The following CAPN2 variants were observed in gnomAD, a reference collection of about 807,000 sequenced individuals.
CAPN2 encodes the protein calpain-2 catalytic subunit.
CAPN2 carries 92 observed loss-of-function variants against 102.3 expected under a neutral mutation model. That is an observed-to-expected ratio of 0.90 (90% CI 0.76 to 1.07). CAPN2 has a LOEUF of 1.07. Among genes scored for constraint, CAPN2 ranks in the 50% least tolerant of loss-of-function variants. The pLI, the probability that CAPN2 is intolerant of heterozygous loss-of-function variation, is 0.00. For missense variants in CAPN2, 800 were observed against 909.4 expected, an observed-to-expected ratio of 0.88 and a Z score of 1.55; for synonymous variants, 340 against 355.4, an observed-to-expected ratio of 0.96 and a Z score of 0.49.
chr1:223,742,386 G>A (rs935285732), intron 2 of CAPN2, among the ~76,000 whole-genome samples: 2 of 150,972 alleles, frequency 1.3e-5, no homozygotes, highest in Admixed American at 6.6e-5. Context: ...GAGCGAGACT[G>A]TCTCAAAAAA....
At chr1:223,710,868 A>G (rs947114976), upstream of CAPN2, among the ~76,000 whole-genome samples, 6 of 144,550 alleles carry the variant, frequency 4.2e-5, no homozygotes, top group Admixed American at 2.1e-4. Flanking sequence ...AACCAAACCA[A>G]TGTATTTCTT....
chr1:223,707,975 G>A (rs1659647484), upstream of CAPN2, among the ~76,000 whole-genome samples: 1 of 152,234 alleles, frequency 6.6e-6, no homozygotes, highest in Admixed American at 6.5e-5. Context: ...TTTCTCCCAA[G>A]AGCCTCGAGC....
intron 1 of CAPN2, among the ~76,000 whole-genome samples, chr1:223,715,172 T>A (rs1434150185): frequency 6.6e-6 from 1 of 152,206 alleles, no homozygotes; most frequent in African/African-American, 2.4e-5. Context: ...TTGTTTCCGC[T>A]GGATTTGAAC....
At chr1:223,745,086 G>C (rs1025265848) in intron 3 of CAPN2, among the ~76,000 whole-genome samples, 4 of 151,930 alleles carry the variant, frequency 2.6e-5, no homozygotes, top group African/African-American at 9.6e-5. Context: ...GAATGCTAAA[G>C]AGGCGGGTGT....
chr1:223,729,209 A>G (rs1660270593), intron 2 of CAPN2, among the ~76,000 whole-genome samples: 1 of 152,198 alleles, frequency 6.6e-6, no homozygotes, highest in Non-Finnish European at 1.5e-5. Context: ...TTTAGTAGAA[A>G]CTGTACTTGA....
intron 6 of CAPN2, among the ~76,000 whole-genome samples, chr1:223,749,879 A>G (rs1370217825): frequency 6.6e-6 from 1 of 152,100 alleles, no homozygotes; most frequent in East Asian, 1.9e-4. Context: ...GCATGGTGGC[A>G]TGCCACTGTC....
chr1:223,760,393 G>GC lies in CAPN2; in HGVS notation c.1529+916dup, dbSNP rs139457207. ...GAGGTAGAGGCAGGGAACTGCCCTT[G>GC]CCCCAAGATAATGCATGATGCAGAA... On this transcript the variant is annotated intron_variant, in intron 12 of 20. Transcript: ENST00000295006. Among the ~76,000 whole-genome samples the GC allele has an allele frequency of 8.8e-3, 1,334 of 152,314 alleles. 27 individuals are homozygous for GC. Among genetic ancestry groups the GC allele is most frequent in the African/African-American group, 0.03 (1,243 of 41,558 alleles).
At chr1:223,772,135 G>C (rs774253124) in intron 19 of CAPN2, 46 bp from the exon 20 acceptor site, 2 of 1,561,700 alleles carry the variant, frequency 1.3e-6, no homozygotes, top group East Asian at 2.2e-5. Context: ...AATGTGATCT[G>C]TTTCAGCTCA....
chr1:223,703,164 T>C (rs1389163235), intron 1 of CAPN2, among the ~76,000 whole-genome samples: 1 of 152,140 alleles, frequency 6.6e-6, no homozygotes, highest in East Asian at 1.9e-4. Context: ...AAATGCCAAC[T>C]CCACTACCCA....
chr1:223,743,322 T>C (rs1660671293), intron 2 of CAPN2, among the ~76,000 whole-genome samples: 1 of 152,156 alleles, frequency 6.6e-6, no homozygotes, highest in Non-Finnish European at 1.5e-5. Context: ...TGCCTCTGAC[T>C]CAGGGCTTTT....
At chr1:223,736,861 A>T (rs1040365889) in intron 2 of CAPN2, among the ~76,000 whole-genome samples, 4 of 152,098 alleles carry the variant, frequency 2.6e-5, no homozygotes, top group African/African-American at 9.7e-5. Flanking sequence ...CCTGGGCAAC[A>T]TAGCAAGACA....
chr1:223,717,476 G>C (rs899132437), intron 1 of CAPN2, among the ~76,000 whole-genome samples: 1 of 152,186 alleles, frequency 6.6e-6, no homozygotes, highest in Non-Finnish European at 1.5e-5. Flanking sequence ...ACTTGCTGCT[G>C]TGGCCCCCGG....
chr1:223,736,119 C>T (rs1301640348), intron 2 of CAPN2, among the ~76,000 whole-genome samples: 1 of 152,172 alleles, frequency 6.6e-6, no homozygotes, highest in East Asian at 1.9e-4. Flanking sequence ...CACCCCTGCC[C>T]AGAGTGCCCC....
intron 16 of CAPN2, among the ~76,000 whole-genome samples, chr1:223,769,401 G>A (rs1661414097): frequency 6.6e-6 from 1 of 152,150 alleles, no homozygotes; most frequent in African/African-American, 2.4e-5. Flanking sequence ...GATTAGAGGT[G>A]TGAGCCACCA....
At chr1:223,716,285 A>C (rs1659872471) in intron 1 of CAPN2, among the ~76,000 whole-genome samples, 1 of 151,974 alleles carries the variant, frequency 6.6e-6, no homozygotes, top group African/African-American at 2.4e-5. Flanking sequence ...TAATGGAAAA[A>C]CCCTGCTGGA....
chr1:223,709,379 G>A (rs1327306416), upstream of CAPN2, among the ~76,000 whole-genome samples: 5 of 152,114 alleles, frequency 3.3e-5, no homozygotes, highest in South Asian at 2.1e-4. Context: ...ATTCCATTTC[G>A]GCAGGGTGCA....
intron 6 of CAPN2, among the ~76,000 whole-genome samples, chr1:223,750,009 C>CA (rs557247534): frequency 0.021 from 3,089 of 149,792 alleles, 39 homozygotes; most frequent in Non-Finnish European, 0.032. Flanking sequence ...GACCATGTCT[C>CA]AAAAAAAAAA....
upstream of CAPN2, among the ~76,000 whole-genome samples, chr1:223,709,488 C>T (rs1659683153): frequency 6.6e-6 from 1 of 152,024 alleles, no homozygotes; most frequent in Admixed American, 6.5e-5. Flanking sequence ...TGGAGAAACC[C>T]TGTCCCTACT....
chr1:223,770,029 A>T, intron 17 of CAPN2, 120 bp downstream of exon 17: 1 of 885,050 alleles, frequency 1.1e-6, no homozygotes, highest in Non-Finnish European at 1.8e-6. Context: ...GATTTTACCC[A>T]TAATGAAGCT....
Sources: allele counts gnomAD v4.1 joint callset (sites outside exome capture counted in the v4.1 genomes callset), GRCh38; gene constraint gnomAD v4.1.1; transcripts MANE v1.5; gene names NCBI Gene and HGNC (gene_info 2026-07-23, HGNC 2026-07-21).